RTKN2: variants seen among roughly 807,000 people sequenced by gnomAD.
RTKN2 encodes the protein rhotekin 2.
In RTKN2, 69 loss-of-function variants were observed where a neutral mutation model predicts 71.5. The observed-to-expected ratio is 0.96, with a 90% CI of 0.79 to 1.18. RTKN2 has a LOEUF of 1.18. Ranked by LOEUF, RTKN2 falls within the 50% of genes most tolerant of loss-of-function variation. The pLI, the probability that RTKN2 is intolerant of heterozygous loss-of-function variation, is 0.00. For missense variants in RTKN2, 724 were observed against 719.7 expected, an observed-to-expected ratio of 1.01 and a Z score of -0.07; for synonymous variants, 236 against 236.5, an observed-to-expected ratio of 1.00 and a Z score of 0.02.
intron 4 of RTKN2, 99 bp from the exon 5 acceptor site, chr10:62,239,864 A>T (rs1382672231): frequency 1.8e-5 from 12 of 674,838 alleles, no homozygotes; most frequent in Non-Finnish European, 3.1e-5. Context: ...TTATTAATAG[A>T]TTCTTTTCAT....
At chr10:62,255,157 C>T (rs1186142636) in intron 2 of RTKN2, among the ~76,000 whole-genome samples, 1 of 152,016 alleles carries the variant, frequency 6.6e-6, no homozygotes, top group African/African-American at 2.4e-5. Context: ...CTTGAACTTG[C>T]CTAAGTAGGT....
intron 6 of RTKN2, among the ~76,000 whole-genome samples, chr10:62,224,655 T>C (rs1243666323): frequency 6.6e-6 from 1 of 152,006 alleles, no homozygotes; most frequent in Non-Finnish European, 1.5e-5. Flanking sequence ...ACTTTTTCTA[T>C]GAAAGAAACA....
At chr10:62,255,789 A>T (rs967334572) in intron 2 of RTKN2, among the ~76,000 whole-genome samples, 1 of 152,230 alleles carries the variant, frequency 6.6e-6, no homozygotes, top group African/African-American at 2.4e-5. Flanking sequence ...TAAACTCAGC[A>T]TTACCTGGTG....
Position 62,262,964 on chromosome 10 carries a change from T to C in RTKN2, c.61-143A>G. Reference sequence around the variant, plus strand: ...AATATATGTAGTGTAAAAATAGCTATTTTAAAATGCTCTTTGCAATTCTAA... The same window carrying C: ...AATATATGTAGTGTAAAAATAGCTACTTTAAAATGCTCTTTGCAATTCTAA... On this transcript the variant is annotated intron_variant, in intron 1 of 11. Transcript: ENST00000373789. The C allele has an allele frequency of 5.7e-6, 3 of 524,542 alleles. No individual in the cohort carries two copies. The South Asian group carries it at 9.8e-5, about 17-fold the overall frequency. The allele number at this position is 524,542 out of a possible 1,614,324, so 32.5% of individuals were successfully genotyped here. A position where few individuals can be genotyped will look rare whatever the true frequency, so the allele number is the denominator to read the frequency against.
At chr10:62,227,627 G>A (rs769593146) in intron 6 of RTKN2, among the ~76,000 whole-genome samples, 3 of 152,160 alleles carry the variant, frequency 2.0e-5, no homozygotes, top group Non-Finnish European at 4.4e-5. Flanking sequence ...GAGATGTGCA[G>A]CAAATGGTAG....
chr10:62,240,165 ATG>A (rs1352568752), intron 4 of RTKN2, among the ~76,000 whole-genome samples: 1 of 151,876 alleles, frequency 6.6e-6, no homozygotes, highest in Non-Finnish European at 1.5e-5. Flanking sequence ...TAAGAAAAAG[ATG>A]TTTTTTATTA....
intron 10 of RTKN2, 128 bp from the exon 11 acceptor site, chr10:62,199,989 C>A (rs554935879): frequency 5.9e-5 from 34 of 580,286 alleles, no homozygotes; most frequent in Middle Eastern, 8.3e-4. Context: ...TAAAGCACTG[C>A]GTTAAGGGAG....
chr10:62,210,584 G>C (rs2132852305), intron 9 of RTKN2, among the ~76,000 whole-genome samples: 1 of 152,212 alleles, frequency 6.6e-6, no homozygotes, highest in Non-Finnish European at 1.5e-5. Context: ...TGCTTCGTCT[G>C]AAGTCCTGTT....
At chr10:62,184,639 T>C (rs1841106147) in intron 8 of RTKN2, among the ~76,000 whole-genome samples, 2 of 152,226 alleles carry the variant, frequency 1.3e-5, no homozygotes, top group Non-Finnish European at 2.9e-5. Context: ...ATATGATTGG[T>C]TGGGAGCATG....
rs1348365064 is a variant in RTKN2 at position 62,194,084 on chromosome 10, T to C, written c.*3824A>G. 4.1e-6 allele frequency: 4 copies of C among 981,126 alleles called. No homozygotes were observed. The highest frequency in any genetic ancestry group is 1.7e-5 in the African/African-American group (1 of 57,144). The allele number at this position is 981,126 out of a possible 1,614,324, so 60.8% of individuals were successfully genotyped here. The stretch of plus-strand genomic sequence containing the variant: ...CAAATACCTTTGGTACTTTAAAAAA[T>C]GTATGTCCATGATATAATACTTTTT... On this transcript the variant is annotated 3_prime_UTR_variant, in exon 12 of 12. Transcript: ENST00000373789.
intron 10 of RTKN2, among the ~76,000 whole-genome samples, 198 bp downstream of exon 10, chr10:62,204,659 A>C (rs1199943913): frequency 6.6e-6 from 1 of 152,150 alleles, no homozygotes; most frequent in Non-Finnish European, 1.5e-5. Flanking sequence ...CTAGAATCCA[A>C]ACGTATACTA....
chr10:62,232,977 A>G (rs551088778), intron 6 of RTKN2, among the ~76,000 whole-genome samples: 10 of 152,340 alleles, frequency 6.6e-5, no homozygotes, highest in Admixed American at 2.0e-4. Flanking sequence ...GAAATTAAAA[A>G]TTGAGTATTC....
chr10:62,225,806 G>C (rs1444283672), intron 6 of RTKN2, among the ~76,000 whole-genome samples: 4 of 149,364 alleles, frequency 2.7e-5, no homozygotes, highest in Non-Finnish European at 4.4e-5. Context: ...TTTTGAGACG[G>C]AGTCTCACTC....
In RTKN2 at chr10:62,200,739, C is replaced by T. The variant is rs138542031; in HGVS notation, c.1187-878G>A. On this transcript the variant is annotated intron_variant, in intron 10 of 11. Coordinates refer to ENST00000373789, the MANE Select transcript of RTKN2 (RefSeq NM_145307.4). ...TCATGCTTTTCAAAATCATTTAACT[C>T]TAGAAAAACACTGTATTTTCTTTTA... Among the ~76,000 whole-genome samples the T allele has an allele frequency of 2.8e-4, 42 of 152,082 alleles. 1 individual carries two copies. The East Asian group carries it at 6.7e-3, about 24-fold the overall frequency.
downstream of RTKN2, among the ~76,000 whole-genome samples, chr10:62,188,761 T>C (rs1007082258): frequency 7.2e-5 from 11 of 151,828 alleles, no homozygotes; most frequent in Non-Finnish European, 1.2e-4. Flanking sequence ...TTTTTTTATT[T>C]TTTTGAGACT....
intron 2 of RTKN2, among the ~76,000 whole-genome samples, chr10:62,247,146 T>C (rs1021207632): frequency 6.6e-6 from 1 of 151,938 alleles, no homozygotes; most frequent in Non-Finnish European, 1.5e-5. Context: ...TGATGGGAGT[T>C]TGAAATGGGA....
At chr10:62,222,119 T>G (rs986590477) in intron 7 of RTKN2, among the ~76,000 whole-genome samples, 8 of 152,294 alleles carry the variant, frequency 5.3e-5, no homozygotes, top group Admixed American at 6.5e-5. Flanking sequence ...TGACATGTTC[T>G]ATTTCTTGAG....
chr10:62,240,253 A>G (rs1361553531), intron 4 of RTKN2, among the ~76,000 whole-genome samples: 1 of 33,654 alleles, frequency 3.0e-5, no homozygotes, highest in Non-Finnish European at 5.5e-5. Flanking sequence ...GGAAACCACA[A>G]GAAAAAAAAA....
chr10:62,237,014 A>G (rs1842272841), intron 5 of RTKN2, among the ~76,000 whole-genome samples: 1 of 151,990 alleles, frequency 6.6e-6, no homozygotes, highest in Non-Finnish European at 1.5e-5. Flanking sequence ...GACACAAAAT[A>G]GCAGATATGT....
Sources: gnomAD v4.1 joint callset for allele counts (sites outside exome capture counted in the v4.1 genomes callset) on GRCh38, gnomAD v4.1.1 for gene constraint, MANE v1.5 for transcripts, NCBI Gene and HGNC (gene_info 2026-07-23, HGNC 2026-07-21) for gene names.